LRRC4C: variants seen among roughly 807,000 people sequenced by gnomAD.
LRRC4C encodes the protein leucine rich repeat containing 4C.
Under a neutral mutation model 33.6 loss-of-function variants are expected in LRRC4C, and 5 were observed. That is an observed-to-expected ratio of 0.15 (90% CI 0.08 to 0.31). The LOEUF (loss-of-function observed/expected upper bound fraction) is 0.31. Among genes scored for constraint, LRRC4C ranks in the 10% least tolerant of loss-of-function variants. LRRC4C has a pLI of 1.00. For missense variants in LRRC4C, 560 were observed against 796.7 expected, an observed-to-expected ratio of 0.70 and a Z score of 3.58; for synonymous variants, 329 against 302.0, an observed-to-expected ratio of 1.09 and a Z score of -0.93.
chr11:41,041,631 A>G (rs1254334207), intron 1 of LRRC4C, among the ~76,000 whole-genome samples: 2 of 152,284 alleles, frequency 1.3e-5, no homozygotes, highest in East Asian at 1.9e-4. Flanking sequence ...GACCAGATAC[A>G]TACACAAACA....
chr11:41,366,158 GT>G (rs1952528166), intron 1 of LRRC4C, among the ~76,000 whole-genome samples: 1 of 151,752 alleles, frequency 6.6e-6, no homozygotes, highest in Admixed American at 6.6e-5. Context: ...ATGTGTGCCT[GT>G]TTGTATGTGT....
chr11:40,436,647 C>T (rs1250590386), intron 3 of LRRC4C, among the ~76,000 whole-genome samples: 2 of 152,110 alleles, frequency 1.3e-5, no homozygotes, highest in Admixed American at 6.5e-5. Flanking sequence ...TGAATGTATG[C>T]CTGAAATGAG....
intron 1 of LRRC4C, among the ~76,000 whole-genome samples, chr11:41,196,661 C>T (rs1261817566): frequency 6.6e-6 from 1 of 151,914 alleles, no homozygotes; most frequent in Non-Finnish European, 1.5e-5. Flanking sequence ...GGATGGACAG[C>T]TGAGTGGGTA....
intron 4 of LRRC4C, among the ~76,000 whole-genome samples, chr11:40,270,392 C>T (rs755731648): frequency 1.3e-5 from 2 of 151,986 alleles, no homozygotes; most frequent in Non-Finnish European, 2.9e-5. Context: ...GCTTGCACAT[C>T]TGGGTCCAGA....
chr11:40,653,076 A>G (rs769711297), intron 2 of LRRC4C, among the ~76,000 whole-genome samples: 5 of 152,198 alleles, frequency 3.3e-5, no homozygotes, highest in Admixed American at 6.5e-5. Context: ...AAGAACTGTG[A>G]GTCAATTAAA....
At chr11:40,328,540 T>C (rs1946202167) in intron 3 of LRRC4C, among the ~76,000 whole-genome samples, 2 of 152,182 alleles carry the variant, frequency 1.3e-5, no homozygotes, top group African/African-American at 2.4e-5. Flanking sequence ...ATCATACTCT[T>C]TCTGGGACTT....
intron 3 of LRRC4C, among the ~76,000 whole-genome samples, chr11:40,646,576 A>G (rs1942472573): frequency 6.6e-6 from 1 of 152,172 alleles, no homozygotes; most frequent in South Asian, 2.1e-4. Flanking sequence ...AGACAATTAC[A>G]TATGCTTTCA....
At chr11:40,909,591 G>A (rs139590057) in intron 2 of LRRC4C, among the ~76,000 whole-genome samples, 486 of 151,982 alleles carry the variant, frequency 3.2e-3, no homozygotes, top group Non-Finnish European at 4.9e-3. Context: ...GAAGCATATA[G>A]ACCAGTCCTA....
At position 40,133,663 on chromosome 11, in the gene LRRC4C, A is replaced by G. The variant is rs138837493; in HGVS notation, c.-43+7138T>C. On this transcript the variant is annotated intron_variant, in intron 6 of 6. Coordinates refer to ENST00000528697, the MANE Select transcript of LRRC4C (RefSeq NM_001258419.2). ...GACAAGCCCAGTATAAACAATAGTC[A>G]TAAACCATTGCCAACATGCTCCACT... Among the ~76,000 whole-genome samples the G allele has an allele frequency of 1.9e-3, 292 of 152,324 alleles. 6 individuals carry two copies. In the East Asian group the frequency reaches 0.05, roughly 26 times the overall value.
chr11:40,996,970 G>A (rs1854023501), intron 1 of LRRC4C, among the ~76,000 whole-genome samples: 1 of 152,104 alleles, frequency 6.6e-6, no homozygotes, highest in South Asian at 2.1e-4. Flanking sequence ...TGGAGGGGAT[G>A]AATATCCAAA....
At chr11:41,107,012 T>TA (rs58432273) in intron 1 of LRRC4C, among the ~76,000 whole-genome samples, 5,791 of 149,156 alleles carry the variant, frequency 0.039, 139 homozygotes, top group Middle Eastern at 0.069. Context: ...ACCTCATCTT[T>TA]AAAAAAAAAA....
intron 1 of LRRC4C, among the ~76,000 whole-genome samples, chr11:41,445,866 A>AGTGTGTGTGTGTGTGTGTGTG (rs1955806882): frequency 6.7e-6 from 1 of 149,730 alleles, no homozygotes; most frequent in Non-Finnish European, 1.5e-5. Context: ...GAGTGACTGC[A>AGTGTGTGTGTGTGTGTGTGTG]TGTGTGTGTG....
chr11:40,772,244 C>A (rs1431540349), intron 2 of LRRC4C, among the ~76,000 whole-genome samples: 1 of 152,100 alleles, frequency 6.6e-6, no homozygotes, highest in East Asian at 1.9e-4. Flanking sequence ...AAGTGCAGAG[C>A]AAATGGGGAA....
chr11:40,388,408 G>T (rs1208637061), intron 3 of LRRC4C, among the ~76,000 whole-genome samples: 1 of 152,054 alleles, frequency 6.6e-6, no homozygotes, highest in Admixed American at 6.6e-5. Flanking sequence ...CTATTACCTG[G>T]GCCAAGAAGT....
At position 40,654,157 on chromosome 11, in the gene LRRC4C, G is replaced by A. The variant is rs189807690; in HGVS notation, c.-406-5879C>T. Among the ~76,000 whole-genome samples, 82 of 152,304 alleles carry A rather than the reference G, an allele frequency of 5.4e-4. 1 individual carries two copies. The highest frequency in any genetic ancestry group is 1.9e-3 in the African/African-American group (79 of 41,570). Reference sequence around the variant, plus strand: ...GAACCACTGCTAGGGCAGTGTGGATGGGAAATGTGGGATTGGAACTCCCAC... The same window carrying A: ...GAACCACTGCTAGGGCAGTGTGGATAGGAAATGTGGGATTGGAACTCCCAC... On this transcript the variant is annotated intron_variant, in intron 2 of 6. Transcript: ENST00000528697.
intron 1 of LRRC4C, among the ~76,000 whole-genome samples, chr11:41,458,798 G>A (rs1956247616): frequency 6.6e-6 from 1 of 152,040 alleles, no homozygotes; most frequent in African/African-American, 2.4e-5. Context: ...TTAATGAGAT[G>A]CAATAGCGAG....
chr11:40,222,093 T>A, intron 5 of LRRC4C, among the ~76,000 whole-genome samples: 1 of 152,182 alleles, frequency 6.6e-6, no homozygotes, highest in Non-Finnish European at 1.5e-5. Context: ...GTACTGTACC[T>A]ACTTACCATG....
chr11:41,115,575 C>T (rs1049739374), intron 1 of LRRC4C, among the ~76,000 whole-genome samples: 2 of 151,844 alleles, frequency 1.3e-5, no homozygotes, highest in African/African-American at 4.8e-5. Context: ...TGTTCATTTG[C>T]GATGGGAAAA....
chr11:41,421,195 G>T (rs1308893393), intron 1 of LRRC4C, among the ~76,000 whole-genome samples: 2 of 151,914 alleles, frequency 1.3e-5, no homozygotes, highest in Middle Eastern at 3.2e-3. Flanking sequence ...AATAAAAACA[G>T]TTGTTTGCTA....
Sources: gnomAD v4.1 joint callset for allele counts (sites outside exome capture counted in the v4.1 genomes callset) on GRCh38, gnomAD v4.1.1 for gene constraint, MANE v1.5 for transcripts, NCBI Gene and HGNC (gene_info 2026-07-23, HGNC 2026-07-21) for gene names.